The following DOCK11 variants were observed in gnomAD, a reference collection of about 807,000 sequenced individuals.
The protein encoded by DOCK11 is dedicator of cytokinesis 11, also known as dedicator of cytokinesis protein 11.
Under a neutral mutation model 169.1 loss-of-function variants are expected in DOCK11, and 70 were observed. The ratio of observed to expected loss-of-function variants is 0.41; its 90% CI spans 0.34 to 0.51. The LOEUF (loss-of-function observed/expected upper bound fraction) is 0.51, where lower values mean the gene tolerates loss of function less well. Ranked by LOEUF, DOCK11 falls within the 20% of genes least tolerant of loss-of-function variation. The pLI is 0.10. For missense variants in DOCK11, 1,166 were observed against 1,538.8 expected, an observed-to-expected ratio of 0.76 and a Z score of 4.05; for synonymous variants, 529 against 541.3, an observed-to-expected ratio of 0.98 and a Z score of 0.32.
intron 24 of DOCK11, among the ~76,000 whole-genome samples, chrX:118,607,612 C>T (rs2014567257): frequency 9.2e-6 from 1 of 108,154 alleles, no homozygotes; most frequent in African/African-American, 3.4e-5. Context: ...TTGGTAGAGA[C>T]GGGGTTTCAC....
intron 28 of DOCK11, among the ~76,000 whole-genome samples, chrX:118,611,503 G>A (rs1346402159): frequency 8.9e-6 from 1 of 112,387 alleles, no homozygotes; most frequent in African/African-American, 3.2e-5. Flanking sequence ...CTCTGACCCC[G>A]TTGGCTTTTG....
chrX:118,599,712 G>C (rs1194583020), intron 23 of DOCK11, among the ~76,000 whole-genome samples: 2 of 112,225 alleles, frequency 1.8e-5, no homozygotes, highest in Non-Finnish European at 3.8e-5. Flanking sequence ...ATGTATAGAG[G>C]ACCTAACACT....
intron 6 of DOCK11, among the ~76,000 whole-genome samples, chrX:118,548,540 T>C (rs1033057811): frequency 1.1e-4 from 12 of 110,701 alleles, no homozygotes; most frequent in African/African-American, 3.3e-4. Flanking sequence ...GGGAAAGAGA[T>C]GTAAGGATAG....
intron 1 of DOCK11, among the ~76,000 whole-genome samples, chrX:118,535,305 T>A (rs1235133905): frequency 8.9e-6 from 1 of 111,962 alleles, no homozygotes; most frequent in African/African-American, 3.2e-5. Context: ...ACACTGGACC[T>A]GCCTAAGCCT....
chrX:118,530,730 G>A (rs1045571846), intron 1 of DOCK11, among the ~76,000 whole-genome samples: 2 of 111,736 alleles, frequency 1.8e-5, no homozygotes, highest in Non-Finnish European at 3.8e-5. Flanking sequence ...GGCACTCTCT[G>A]TATCCCCTAC....
At chrX:118,590,436 C>CA (rs1367584853) in intron 19 of DOCK11, 134 bp downstream of exon 19, 3 of 537,904 alleles carry the variant, frequency 5.6e-6, no homozygotes, top group Non-Finnish European at 9.1e-6. Flanking sequence ...AATATTACAA[C>CA]AAAACAGAGT....
At chrX:118,557,203 A>T (rs2012725218) in intron 6 of DOCK11, among the ~76,000 whole-genome samples, 1 of 111,929 alleles carries the variant, frequency 8.9e-6, no homozygotes. Flanking sequence ...CAAATAAAAC[A>T]GATAGATGAA....
intron 42 of DOCK11, among the ~76,000 whole-genome samples, chrX:118,654,070 G>C (rs5957037): frequency 0.033 from 3,641 of 111,890 alleles, 138 homozygotes; most frequent in African/African-American, 0.11. Context: ...TATCAGAATG[G>C]AAGAGTGGCC....
intron 1 of DOCK11, among the ~76,000 whole-genome samples, chrX:118,528,735 TG>T (rs1478281160): frequency 9.6e-6 from 1 of 104,428 alleles, no homozygotes; most frequent in Non-Finnish European, 1.9e-5. Context: ...TGTTCAACAC[TG>T]CATGGCCTTT....
At chrX:118,594,934 C>T (rs889943841) in intron 20 of DOCK11, among the ~76,000 whole-genome samples, 1 of 110,977 alleles carries the variant, frequency 9.0e-6, no homozygotes, top group Non-Finnish European at 1.9e-5. Flanking sequence ...GACAGGAAAC[C>T]ACAAGTAGTT....
At chrX:118,555,056 A>T (rs926241251) in intron 6 of DOCK11, among the ~76,000 whole-genome samples, 6 of 111,855 alleles carry the variant, frequency 5.4e-5, no homozygotes, top group Non-Finnish European at 9.4e-5. Context: ...AGAGTCATTG[A>T]TTATTTGAGC....
At position 118,654,587 on chromosome X, in the gene DOCK11, T is replaced by G. The variant is rs757405313; in HGVS notation, c.4696-15T>G. On this transcript the variant is annotated splice_polypyrimidine_tract_variant and intron_variant, in intron 42 of 52. Transcript: ENST00000276202. Reference sequence around the variant, plus strand: ...TTGTTGTTCAACTTGTCTTTTTTGTTTGTTTTGAAATTAGGCAACTGCCTT... The same window carrying G: ...TTGTTGTTCAACTTGTCTTTTTTGTGTGTTTTGAAATTAGGCAACTGCCTT... 24 of 1,205,228 alleles carry G rather than the reference T, an allele frequency of 2.0e-5. No homozygotes were observed. Among genetic ancestry groups the G allele is most frequent in the Non-Finnish European group, 2.5e-5 (22 of 891,712 alleles).
chrX:118,617,777 A>G lies in DOCK11; in HGVS notation c.3293-773A>G, dbSNP rs755556950. On this transcript the variant is annotated intron_variant, in intron 30 of 52. Coordinates refer to ENST00000276202, the MANE Select transcript of DOCK11 (RefSeq NM_144658.4). ...GCACGTCTATAGTCATAGCTACTTC[A>G]GAGGCTGAGGCAGGAGAACTGCTTG... is the stretch of plus-strand genomic sequence containing the variant. Among the ~76,000 whole-genome samples the G allele has an allele frequency of 2.5e-3, 269 of 108,457 alleles. 1 individual carries two copies. The highest frequency in any genetic ancestry group is 8.6e-3 in the African/African-American group (255 of 29,755). The allele number at this position is 108,457 out of a possible 115,157, so 94.2% of individuals were successfully genotyped here. A position where few individuals can be genotyped will look rare whatever the true frequency, so the allele number is the denominator to read the frequency against.
chrX:118,656,843 G>A (rs1213250472), intron 44 of DOCK11, among the ~76,000 whole-genome samples: 1 of 110,862 alleles, frequency 9.0e-6, no homozygotes, highest in African/African-American at 3.3e-5. Context: ...GCTGAGGCAG[G>A]AGCGCTTGAA....
intron 1 of DOCK11, among the ~76,000 whole-genome samples, chrX:118,516,162 G>T (rs1483293730): frequency 1.2e-5 from 1 of 83,575 alleles, no homozygotes. Flanking sequence ...GCATGATCTC[G>T]ACTCACTGCA....
chrX:118,501,154 A>G (rs1691235827), intron 1 of DOCK11, among the ~76,000 whole-genome samples: 1 of 111,588 alleles, frequency 9.0e-6, no homozygotes, highest in African/African-American at 3.3e-5. Context: ...AAATAGCTAT[A>G]TATCTTTCTT....
intron 45 of DOCK11, among the ~76,000 whole-genome samples, chrX:118,668,459 G>A (rs1334221725): frequency 1.8e-5 from 2 of 109,810 alleles, no homozygotes; most frequent in Admixed American, 9.8e-5. Context: ...TACTAAGTGT[G>A]CACCTTATTT....
At chrX:118,609,659 C>A in intron 27 of DOCK11, among the ~76,000 whole-genome samples, 1 of 112,031 alleles carries the variant, frequency 8.9e-6, no homozygotes, top group Admixed American at 9.5e-5. Context: ...TGAAGCTTTG[C>A]CTTTGTCTTA....
chrX:118,615,421 C>G (rs1006825845), intron 29 of DOCK11, among the ~76,000 whole-genome samples, 179 bp from the exon 30 acceptor site: 5 of 112,081 alleles, frequency 4.5e-5, no homozygotes, highest in African/African-American at 1.6e-4. Context: ...AACAAGCAGG[C>G]CTTTTAAAGG....
Sources: allele counts gnomAD v4.1 joint callset (sites outside exome capture counted in the v4.1 genomes callset), GRCh38; gene constraint gnomAD v4.1.1; transcripts MANE v1.5; gene names NCBI Gene and HGNC (gene_info 2026-07-23, HGNC 2026-07-21).